ZNF268: variants seen among roughly 807,000 people sequenced by gnomAD.
ZNF268 encodes the protein zinc finger protein 3.
A neutral mutation model predicts 29.3 loss-of-function variants in ZNF268; 20 were observed. The ratio of observed to expected loss-of-function variants is 0.68; its 90% confidence interval spans 0.48 to 0.99. The LOEUF (loss-of-function observed/expected upper bound fraction) is 0.99. ZNF268 is among the 50% of genes least tolerant of loss of function. The pLI, the probability that ZNF268 is intolerant of heterozygous loss-of-function variation, is 0.00. For synonymous variants in ZNF268, 429 were observed against 376.9 expected (o/e 1.14, Z -1.60); for missense variants, 1,240 against 1,121.6 (o/e 1.11, Z -1.51).
rs1358276658 is a variant in ZNF268 at position 133,212,284 on chromosome 12, C to G, written c.*7754C>G. 1 of 151,684 alleles carries G rather than the reference C, an allele frequency of 6.6e-6. No homozygotes were observed. Among genetic ancestry groups the G allele is most frequent in the Non-Finnish European group, 1.5e-5 (1 of 67,950 alleles). The allele number at this position is 151,684 out of a possible 1,614,324, so 9.4% of individuals were successfully genotyped here. ...TGGGCCTTTGGAGAGTGTACTCCCT[C>G]TGCTTGGTGAAATTATGCTGGGTGT... is the stretch of plus-strand genomic sequence containing the variant. On this transcript the variant is annotated 3_prime_UTR_variant, in exon 6 of 6. Coordinates refer to ENST00000536435, the MANE Select transcript of ZNF268 (RefSeq NM_003415.3).
rs775121291 is a variant in ZNF268 at position 133,202,677 on chromosome 12, C to G, written c.991C>G (p.Leu331Val). The G allele has an allele frequency of 2.5e-6, 4 of 1,608,682 alleles. No individual in the cohort carries two copies. The South Asian group carries it at 4.4e-5, about 18-fold the overall frequency. ...TCAGAGAATTCATACAGGAGAGAAACTACATGAATGCAGTGAATGCAGGAA... is the reference window on the plus strand; with the variant it reads ...TCAGAGAATTCATACAGGAGAGAAAGTACATGAATGCAGTGAATGCAGGAA... Reference protein sequence around the residue: ...VHQRIHTGEKLHECSECRKTF... With the variant: ...VHQRIHTGEKVHECSECRKTF... Residue 331 changes from leucine to valine, a missense_variant, in exon 6 of 6, where the codon CTA (leucine) becomes GTA (valine). Physicochemically the swap from Leu to Val is conservative, Grantham distance 32 (BLOSUM62 1). Coordinates refer to ENST00000536435, the MANE Select transcript of ZNF268 (RefSeq NM_003415.3).
At chr12:133,198,782 A>C (rs1380093877) in intron 5 of ZNF268, among the ~76,000 whole-genome samples, 3 of 148,794 alleles carry the variant, frequency 2.0e-5, no homozygotes, top group African/African-American at 7.5e-5. Context: ...TAGGTATTTT[A>C]TTCTCTTTGA....
intron 5 of ZNF268, among the ~76,000 whole-genome samples, chr12:133,192,927 A>G (rs1956510655): frequency 6.6e-6 from 1 of 152,126 alleles, no homozygotes; most frequent in Non-Finnish European, 1.5e-5. Flanking sequence ...CCAAAGTGCT[A>G]GGATTACAGG....
In ZNF268 at chr12:133,203,028, G is replaced by A; in HGVS notation, c.1342G>A (p.Asp448Asn). The A allele has an allele frequency of 1.9e-6, 3 of 1,543,950 alleles. No individual in the cohort carries two copies. Among genetic ancestry groups the A allele is most frequent in the Non-Finnish European group, 2.6e-6 (3 of 1,150,238 alleles). ...AGGGGAGAAACCTTATGTTTGTAGT[G>A]ATTGTGGAAAAGCCTTTACATTCAA... ...HTGEKPYVCS[D>N]CGKAFTFKSQ... Residue 448 changes from aspartate (D) to asparagine (N), a missense_variant, in exon 6 of 6, where the codon GAT (aspartate) becomes AAT (asparagine). By Grantham distance (23) the Asp-to-Asn change is conservative. Transcript: ENST00000536435.
chr12:133,188,163 G>A (rs1369673932), intron 3 of ZNF268, 91 bp downstream of exon 3: 1 of 1,215,390 alleles, frequency 8.2e-7, no homozygotes, highest in African/African-American at 1.5e-5. Context: ...AGGTCAGAGG[G>A]TTAAGTTAAT....
At chr12:133,188,751 A>G (rs1368768737) in intron 3 of ZNF268, among the ~76,000 whole-genome samples, 1 of 152,334 alleles carries the variant, frequency 6.6e-6, no homozygotes, top group East Asian at 1.9e-4. Context: ...AATAAGATTC[A>G]GTGATTCATG....
intron 3 of ZNF268, among the ~76,000 whole-genome samples, chr12:133,190,053 C>T (rs181303711): frequency 2.6e-5 from 4 of 152,280 alleles, no homozygotes; most frequent in Admixed American, 2.6e-4. Flanking sequence ...TGTGATCTGC[C>T]CGCCTCGGCC....
At chr12:133,192,828 T>C (rs1471486978) in intron 5 of ZNF268, among the ~76,000 whole-genome samples, 1 of 151,974 alleles carries the variant, frequency 6.6e-6, no homozygotes, top group Non-Finnish European at 1.5e-5. Flanking sequence ...CCCGGCTAAT[T>C]TCTTGTATTT....
At chr12:133,191,764 A>G (rs1047365111) in intron 4 of ZNF268, 144 bp from the exon 5 acceptor site, 16 of 1,426,038 alleles carry the variant, frequency 1.1e-5, no homozygotes, top group African/African-American at 7.0e-5. Flanking sequence ...GCAGCAGAGT[A>G]TGCCAGTTGA....
chr12:133,200,917 C>T (rs1956738127), intron 5 of ZNF268, among the ~76,000 whole-genome samples: 1 of 152,064 alleles, frequency 6.6e-6, no homozygotes, highest in Non-Finnish European at 1.5e-5. Flanking sequence ...TCCATACCTT[C>T]CCACCATATA....
At chr12:133,198,335 A>G (rs1956664976) in intron 5 of ZNF268, among the ~76,000 whole-genome samples, 1 of 150,844 alleles carries the variant, frequency 6.6e-6, no homozygotes, top group African/African-American at 2.5e-5. Context: ...GTCAAAGATC[A>G]GATAGTTGTA....
Position 133,206,005 on chromosome 12 carries a change from G to A in ZNF268, c.*1475G>A, listed in dbSNP as rs1352385308. On this transcript the variant is annotated 3_prime_UTR_variant, in exon 6 of 6. Coordinates refer to ENST00000536435, the MANE Select transcript of ZNF268 (RefSeq NM_003415.3). Reference sequence around the variant, plus strand: ...GGTTCCCAGAACAGCTTTTGTTACTGTCATTTTCTTAACTTTGTTCACTTG... The same window carrying A: ...GGTTCCCAGAACAGCTTTTGTTACTATCATTTTCTTAACTTTGTTCACTTG... The A allele has an allele frequency of 6.6e-6, 1 of 152,190 alleles. No individual in the cohort carries two copies. The highest frequency in any genetic ancestry group is 1.5e-5 in the Non-Finnish European group (1 of 68,028). The allele number at this position is 152,190 out of a possible 1,614,324, so 9.4% of individuals were successfully genotyped here.
At chr12:133,182,489 A>G (rs1956201263) in intron 2 of ZNF268, among the ~76,000 whole-genome samples, 1 of 152,152 alleles carries the variant, frequency 6.6e-6, no homozygotes, top group African/African-American at 2.4e-5. Flanking sequence ...ACAGTGGTCT[A>G]GGAATGGTGG....
chr12:133,187,617 C>G, intron 2 of ZNF268, among the ~76,000 whole-genome samples: 1 of 152,044 alleles, frequency 6.6e-6, no homozygotes, highest in East Asian at 1.9e-4. Context: ...TGAGCCAGGA[C>G]AGTTTTCTCT....
intron 5 of ZNF268, among the ~76,000 whole-genome samples, chr12:133,196,814 A>G (rs1956611758): frequency 6.6e-6 from 1 of 152,178 alleles, no homozygotes; most frequent in Admixed American, 6.5e-5. Context: ...ATAATGCCCC[A>G]GTGGGGAATT....
In ZNF268 at chr12:133,212,473, A is replaced by ATATATATATATATATATATATATATG. The variant is rs1357579289; in HGVS notation, c.*7952_*7977dup. On this transcript the variant is annotated 3_prime_UTR_variant, in exon 6 of 6. Coordinates refer to ENST00000536435, the MANE Select transcript of ZNF268 (RefSeq NM_003415.3). ...TATATATATATATATATATATATAT[A>ATATATATATATATATATATATATATG]TATATATATATATATATATATATAT... 9.3e-5 allele frequency: 1 copy of ATATATATATATATATATATATATATG among 10,756 alleles called. No individual in the cohort carries two copies. The highest frequency in any genetic ancestry group is 3.9e-3 in the South Asian group (1 of 256). 0.7% of individuals were successfully genotyped at this position (10,756 alleles called of 1,614,324 possible).
At position 133,190,673 on chromosome 12, in the gene ZNF268, T is replaced by G. The variant is rs777186100; in HGVS notation, c.235-816T>G. On this transcript the variant is annotated intron_variant, in intron 3 of 5. Coordinates refer to ENST00000536435, the MANE Select transcript of ZNF268 (RefSeq NM_003415.3). Reference sequence around the variant, plus strand: ...TTAGTCCATAAAGTTTTAATGTGTCTTCTCTTCTGGGTACCAATAGTGCCC... The same window carrying G: ...TTAGTCCATAAAGTTTTAATGTGTCGTCTCTTCTGGGTACCAATAGTGCCC... Among the ~76,000 whole-genome samples the G allele has an allele frequency of 5.3e-5, 8 of 152,308 alleles. No individual in the cohort carries two copies. The South Asian group carries it at 1.2e-3, about 24-fold the overall frequency.
At chr12:133,201,807 A>G (rs970021045) in intron 5 of ZNF268, among the ~76,000 whole-genome samples, 3 of 152,044 alleles carry the variant, frequency 2.0e-5, no homozygotes, top group Non-Finnish European at 2.9e-5. Flanking sequence ...ACATGTTTAT[A>G]TTATCTTCAT....
At chr12:133,182,113 TG>T in intron 2 of ZNF268, 83 bp downstream of exon 2, 1 of 1,408,752 alleles carries the variant, frequency 7.1e-7, no homozygotes, top group Non-Finnish European at 9.7e-7. Flanking sequence ...AGTCTGAATT[TG>T]CCAGGAGCTT....
Sources: gnomAD v4.1 joint callset for allele counts (sites outside exome capture counted in the v4.1 genomes callset) on GRCh38, gnomAD v4.1.1 for gene constraint, MANE v1.5 for transcripts, NCBI Gene and HGNC (gene_info 2026-07-23, HGNC 2026-07-21) for gene names.